PAPPA2: variants seen among roughly 807,000 people sequenced by gnomAD.
PAPPA2 encodes the protein pappalysin-2.
In PAPPA2, 86 loss-of-function variants were observed where a neutral mutation model predicts 176.4. That is an observed-to-expected ratio of 0.49 (90% CI 0.41 to 0.58). The LOEUF (loss-of-function observed/expected upper bound fraction) is 0.58. Ranked by LOEUF, PAPPA2 falls within the 20% of genes least tolerant of loss-of-function variation. The pLI, the probability that PAPPA2 is intolerant of heterozygous loss-of-function variation, is 0.00. For synonymous variants in PAPPA2, 809 were observed against 852.2 expected (o/e 0.95, Z 0.88); for missense variants, 2,073 against 2,256.9 (o/e 0.92, Z 1.65).
At chr1:176,662,601 G>A (rs61822990) in intron 3 of PAPPA2, among the ~76,000 whole-genome samples, 18,475 of 149,298 alleles carry the variant, frequency 0.12, 1,390 homozygotes, top group South Asian at 0.23. Context: ...ACCATTTTAT[G>A]CTATTCCTCC....
rs147847861 is a variant in PAPPA2, at chr1:176,664,522, C to T, written c.1992-6448C>T. On this transcript the variant is annotated intron_variant, in intron 3 of 22. Coordinates refer to ENST00000367662, the MANE Select transcript of PAPPA2 (RefSeq NM_020318.3). ...CTGGGATAATCCAGAATAATCTCCT[C>T]GTCTCAAAGCCTGTACTTTTAGTCA... is the stretch of plus-strand genomic sequence containing the variant. Among the ~76,000 whole-genome samples, 49 of 152,274 alleles carry T rather than the reference C, an allele frequency of 3.2e-4. 1 individual carries two copies. In the Middle Eastern group the frequency reaches 0.01, roughly 32 times the overall value.
chr1:176,826,465 G>C (rs1183099871), intron 21 of PAPPA2, among the ~76,000 whole-genome samples: 2 of 152,174 alleles, frequency 1.3e-5, no homozygotes, highest in Admixed American at 6.5e-5. Context: ...CAAGACACTC[G>C]CACAGAGAAT....
intron 21 of PAPPA2, among the ~76,000 whole-genome samples, chr1:176,831,184 G>A (rs1273014171): frequency 1.3e-5 from 2 of 152,148 alleles, no homozygotes; most frequent in Non-Finnish European, 2.9e-5. Context: ...GGGAAGTGGA[G>A]CACTGGGTGC....
At position 176,761,595 on chromosome 1, in the gene PAPPA2, C is replaced by T. The variant is rs114868792; in HGVS notation, c.4152-4071C>T. On this transcript the variant is annotated intron_variant, in intron 14 of 22. Coordinates refer to ENST00000367662, the MANE Select transcript of PAPPA2 (RefSeq NM_020318.3). ...CTATGTTTTTCCCTTGCCTACCCTGCTGAGGAGCTCCTTGGCTCACTCTGG... is the reference window on the plus strand; with the variant it reads ...CTATGTTTTTCCCTTGCCTACCCTGTTGAGGAGCTCCTTGGCTCACTCTGG... 4.6e-3 allele frequency among the ~76,000 whole-genome samples: 697 copies of T among 152,312 alleles called. 7 individuals carry two copies. The highest frequency in any genetic ancestry group is 0.016 in the African/African-American group (680 of 41,548).
At chr1:176,723,467 T>C (rs1317630080) in intron 12 of PAPPA2, among the ~76,000 whole-genome samples, 1 of 95,898 alleles carries the variant, frequency 1.0e-5, no homozygotes, top group Non-Finnish European at 2.1e-5. Flanking sequence ...TTTTTAAAGA[T>C]AAGGTGGTTA....
rs1382068190 is a variant in PAPPA2 at position 176,556,847 on chromosome 1, C to T, written c.525C>T (p.Ala175=). 1 of 1,614,168 alleles carries T rather than the reference C, an allele frequency of 6.2e-7. No homozygotes were observed. Among genetic ancestry groups the T allele is most frequent in the South Asian group, 1.1e-5 (1 of 91,080 alleles). Residue 175 remains alanine (A), a synonymous_variant, in exon 2 of 23, where the codon GCC becomes GCT. Coordinates refer to ENST00000367662, the MANE Select transcript of PAPPA2 (RefSeq NM_020318.3). ...CCATGGCTGCCACTACTACCACCGC[C>T]ATTTTCACAACCCTGAACGAACCCA... ...GSAMAATTTT[A]IFTTLNEPKP...
At chr1:176,557,496 T>A (rs1651393988) in intron 2 of PAPPA2, among the ~76,000 whole-genome samples, 1 of 152,190 alleles carries the variant, frequency 6.6e-6, no homozygotes, top group South Asian at 2.1e-4. Context: ...ACATTGTGCT[T>A]GCACTTAGGA....
chr1:176,571,789 C>T (rs1207712305), intron 2 of PAPPA2, among the ~76,000 whole-genome samples: 1 of 152,214 alleles, frequency 6.6e-6, no homozygotes, highest in African/African-American at 2.4e-5. Flanking sequence ...TATTCTGCTT[C>T]TTAGGAGATA....
chr1:176,491,003 G>T (rs577533018), intron 1 of PAPPA2, among the ~76,000 whole-genome samples: 1 of 152,186 alleles, frequency 6.6e-6, no homozygotes, highest in East Asian at 1.9e-4. Context: ...TCACATGCTG[G>T]CTCTGCCTGT....
intron 17 of PAPPA2, among the ~76,000 whole-genome samples, chr1:176,782,618 C>T (rs1161495916): frequency 6.6e-6 from 1 of 152,092 alleles, no homozygotes; most frequent in Admixed American, 6.5e-5. Flanking sequence ...GCTTGGGATT[C>T]TAAGTCCAGT....
rs1371282377 is a variant in PAPPA2 at position 176,769,693 on chromosome 1, T to C, written c.4410T>C (p.Ser1470=). 4 of 1,614,106 alleles carry C rather than the reference T, an allele frequency of 2.5e-6. No individual in the cohort carries two copies. Among genetic ancestry groups the C allele is most frequent in the Non-Finnish European group, 3.4e-6 (4 of 1,180,006 alleles). The change falls in exon 16 of 23, where the codon TCT becomes TCC. Residue 1470 remains serine (S), a synonymous_variant. Coordinates refer to ENST00000367662, the MANE Select transcript of PAPPA2 (RefSeq NM_020318.3). ...TGGACTGCGGTGTTCCCGACCCGTC[T>C]TTGGTGAACTATGCAAACTTCTCCT... ...LPVDCGVPDP[S]LVNYANFSCS... is the part of the protein sequence containing the mutation.
At chr1:176,739,400 T>C (rs1662565225) in intron 12 of PAPPA2, among the ~76,000 whole-genome samples, 1 of 152,162 alleles carries the variant, frequency 6.6e-6, no homozygotes, top group South Asian at 2.1e-4. Context: ...CAGAAAAAGA[T>C]AGGATGTTCA....
chr1:176,571,983 A>C (rs1463230903), intron 2 of PAPPA2, among the ~76,000 whole-genome samples: 1 of 152,140 alleles, frequency 6.6e-6, no homozygotes, highest in East Asian at 1.9e-4. Context: ...CTCGAGATGA[A>C]GATTCCGGGC....
At chr1:176,531,996 C>A (rs1050659165) in intron 1 of PAPPA2, among the ~76,000 whole-genome samples, 1 of 152,150 alleles carries the variant, frequency 6.6e-6, no homozygotes, top group Non-Finnish European at 1.5e-5. Flanking sequence ...CTGGCCCTGA[C>A]ATTTTGGCAG....
At position 176,618,721 on chromosome 1, in the gene PAPPA2, CTCT is replaced by C. The variant is rs565971947; in HGVS notation, c.1991+23129_1991+23131del. On this transcript the variant is annotated intron_variant, in intron 3 of 22. Coordinates refer to ENST00000367662, the MANE Select transcript of PAPPA2 (RefSeq NM_020318.3). ...AGTCTCAAGTAATTCAACAAATTCT[CTCT>C]TCGAGTTTAGTATGTGTGAGGCACT... is the stretch of plus-strand genomic sequence containing the variant. Among the ~76,000 whole-genome samples the C allele has an allele frequency of 3.5e-4, 53 of 152,278 alleles. 1 individual carries two copies. The highest frequency in any genetic ancestry group is 1.4e-3 in the South Asian group (7 of 4,828).
At chr1:176,794,112 C>G (rs1665314842) in intron 20 of PAPPA2, among the ~76,000 whole-genome samples, 1 of 152,170 alleles carries the variant, frequency 6.6e-6, no homozygotes, top group Non-Finnish European at 1.5e-5. Flanking sequence ...TTGCCTTGCT[C>G]TGGGGGTTCT....
intron 2 of PAPPA2, among the ~76,000 whole-genome samples, chr1:176,577,526 T>A (rs1652722041): frequency 6.6e-6 from 1 of 152,198 alleles, no homozygotes; most frequent in African/African-American, 2.4e-5. Flanking sequence ...AAGCTAAGCC[T>A]AATCCTGTCT....
chr1:176,803,176 CA>C (rs1665756190), intron 21 of PAPPA2, among the ~76,000 whole-genome samples: 2 of 152,134 alleles, frequency 1.3e-5, no homozygotes, highest in Non-Finnish European at 2.9e-5. Flanking sequence ...CCCTAGATTC[CA>C]ATCCTGGGTC....
chr1:176,660,571 T>C (rs974177466), intron 3 of PAPPA2, among the ~76,000 whole-genome samples: 1 of 152,106 alleles, frequency 6.6e-6, no homozygotes, highest in Non-Finnish European at 1.5e-5. Flanking sequence ...AAAACTTTTT[T>C]GGGGGTAGTC....
Sources: allele counts gnomAD v4.1 joint callset (sites outside exome capture counted in the v4.1 genomes callset), GRCh38; gene constraint gnomAD v4.1.1; transcripts MANE v1.5; gene names NCBI Gene and HGNC (gene_info 2026-07-23, HGNC 2026-07-21).